Variants in GAREM1 observed in about 807,000 individuals in gnomAD.
GAREM1 encodes GRB2 associated regulator of MAPK1 subtype 1, also known as GRB2-associated and regulator of MAPK protein 1.
Under a neutral mutation model 71.3 loss-of-function variants are expected in GAREM1, and 26 were observed. The observed-to-expected ratio is 0.36, with a 90% CI of 0.27 to 0.51. GAREM1 has a LOEUF of 0.51. Among genes scored for constraint, GAREM1 ranks in the 20% least tolerant of loss-of-function variants. The probability of loss-of-function intolerance (pLI) is 0.95; values close to 1 mark genes in which losing one functional copy is unlikely to be tolerated. For missense variants in GAREM1, 1,026 were observed against 1,103.1 expected (o/e 0.93, Z 0.99); for synonymous variants, 440 against 433.2 (o/e 1.02, Z -0.20).
At chr18:32,289,372 C>T (rs2144472936) in intron 3 of GAREM1, among the ~76,000 whole-genome samples, 1 of 152,144 alleles carries the variant, frequency 6.6e-6, no homozygotes, top group East Asian at 1.9e-4. Context: ...TTATTTCATG[C>T]TTACCAGCAT....
chr18:32,447,006 C>A (rs999140246), intron 1 of GAREM1, among the ~76,000 whole-genome samples: 2 of 152,186 alleles, frequency 1.3e-5, no homozygotes, highest in Admixed American at 1.3e-4. Flanking sequence ...CTGCCACAGG[C>A]CATCAATGGC....
rs553029581 is a variant in GAREM1 at position 32,438,226 on chromosome 18, G to A, written c.121+32082C>T. Among the ~76,000 whole-genome samples, 8 of 152,228 alleles carry A rather than the reference G, an allele frequency of 5.3e-5. No homozygotes were observed. The South Asian group carries it at 8.3e-4, about 16-fold the overall frequency. Reference sequence around the variant, plus strand: ...ACTAAATAAAAGACAAAAATAAACCGGATTTATCTGGCAGAGCGGGTCTGT... The same window carrying A: ...ACTAAATAAAAGACAAAAATAAACCAGATTTATCTGGCAGAGCGGGTCTGT... On this transcript the variant is annotated intron_variant, in intron 1 of 5. Coordinates refer to ENST00000269209, the MANE Select transcript of GAREM1 (RefSeq NM_001242409.2).
intron 2 of GAREM1, among the ~76,000 whole-genome samples, chr18:32,378,197 G>A (rs78816048): frequency 0.034 from 5,140 of 152,062 alleles, 134 homozygotes; most frequent in East Asian, 0.11. Context: ...TTGGGTTTTT[G>A]ATCAAATAAA....
At chr18:32,461,965 A>T (rs2048957394) in intron 1 of GAREM1, among the ~76,000 whole-genome samples, 1 of 152,214 alleles carries the variant, frequency 6.6e-6, no homozygotes, top group Non-Finnish European at 1.5e-5. Flanking sequence ...TCAGTAAGGC[A>T]GCCAATGAGT....
intron 2 of GAREM1, among the ~76,000 whole-genome samples, chr18:32,357,412 A>T (rs2047816952): frequency 6.6e-6 from 1 of 152,226 alleles, no homozygotes; most frequent in Non-Finnish European, 1.5e-5. Context: ...TTCACGTGCT[A>T]CCTTTATCTC....
chr18:32,387,078 T>C (rs1322148994), intron 2 of GAREM1, among the ~76,000 whole-genome samples: 1 of 150,804 alleles, frequency 6.6e-6, no homozygotes, highest in East Asian at 1.9e-4. Flanking sequence ...TTTCAGGCCC[T>C]AGAAAGGGTC....
intron 1 of GAREM1, among the ~76,000 whole-genome samples, chr18:32,423,440 C>T (rs1243283147): frequency 2.0e-5 from 3 of 152,194 alleles, no homozygotes; most frequent in Non-Finnish European, 4.4e-5. Flanking sequence ...ATCCTTATAT[C>T]TTTCTCTTGT....
chr18:32,451,256 C>G (rs2048836283), intron 1 of GAREM1, among the ~76,000 whole-genome samples: 1 of 148,802 alleles, frequency 6.7e-6, no homozygotes, highest in African/African-American at 2.5e-5. Flanking sequence ...CATCCCCCCA[C>G]CCCCAAGCTA....
chr18:32,325,082 C>A (rs2047462490), intron 2 of GAREM1, among the ~76,000 whole-genome samples: 1 of 152,142 alleles, frequency 6.6e-6, no homozygotes, highest in South Asian at 2.1e-4. Flanking sequence ...CCTCAGCCTC[C>A]GGAGTAGCTG....
chr18:32,381,757 T>C (rs184823615), intron 2 of GAREM1, among the ~76,000 whole-genome samples: 175 of 152,356 alleles, frequency 1.1e-3, no homozygotes, highest in African/African-American at 3.8e-3. Context: ...ACAGAGATTA[T>C]AGTTCCCATT....
intron 1 of GAREM1, among the ~76,000 whole-genome samples, chr18:32,438,188 C>A (rs1378284520): frequency 6.6e-6 from 1 of 152,144 alleles, no homozygotes; most frequent in Non-Finnish European, 1.5e-5. Flanking sequence ...AGAGAGAAGG[C>A]CTACGATATA....
intron 4 of GAREM1, among the ~76,000 whole-genome samples, chr18:32,275,709 G>A (rs2041532268): frequency 6.6e-6 from 1 of 151,886 alleles, no homozygotes; most frequent in South Asian, 2.1e-4. Flanking sequence ...ACTGAGTTTT[G>A]CTCTTGTTGC....
rs572749493 is a variant in GAREM1, at chr18:32,393,776, T to G, written c.122-741A>C. The stretch of plus-strand genomic sequence containing the variant: ...TTCGGCATTTGAACGGATGACAAAC[T>G]ATTTCAAAAGAGAAATTCATTTCCT... On this transcript the variant is annotated intron_variant, in intron 1 of 5. Coordinates refer to ENST00000269209, the MANE Select transcript of GAREM1 (RefSeq NM_001242409.2). Among the ~76,000 whole-genome samples, 7 of 152,352 alleles carry G rather than the reference T, an allele frequency of 4.6e-5. No homozygotes were observed. The South Asian group carries it at 1.5e-3, about 32-fold the overall frequency.
chr18:32,349,861 C>T (rs1465887545), intron 2 of GAREM1, among the ~76,000 whole-genome samples: 1 of 152,136 alleles, frequency 6.6e-6, no homozygotes, highest in Non-Finnish European at 1.5e-5. Flanking sequence ...TAAATCCAAT[C>T]CTGAAACTTC....
chr18:32,304,850 T>C (rs968851724), intron 3 of GAREM1, among the ~76,000 whole-genome samples: 12 of 152,166 alleles, frequency 7.9e-5, no homozygotes, highest in Non-Finnish European at 1.6e-4. Context: ...TAGATCGTGG[T>C]GGCCTGCTTG....
chr18:32,343,833 C>T (rs2047670364), intron 2 of GAREM1, among the ~76,000 whole-genome samples: 1 of 152,086 alleles, frequency 6.6e-6, no homozygotes, highest in African/African-American at 2.4e-5. Flanking sequence ...AGTAAGCCAC[C>T]CGCTCCTGGC....
In GAREM1 at chr18:32,287,395, A is replaced by G. The variant is rs2047033379; in HGVS notation, c.1202T>C (p.Val401Ala). Reference protein sequence around the residue: ...YGNNLHGNSEVNLHGCRDLGG... With the variant: ...YGNNLHGNSEANLHGCRDLGG... ...CAGGTCCCTGCAACCATGAAGGTTC[A>G]CCTCACTGTTGCCATGGAGATTGTT... The change falls in exon 4 of 6, where the codon GTG becomes GCG. Residue 401 changes from valine to alanine, a missense_variant. Val to Ala is a moderately conservative substitution (Grantham distance 64). Coordinates refer to ENST00000269209, the MANE Select transcript of GAREM1 (RefSeq NM_001242409.2). The surrounding 1 kb of genome is among the most constrained non-coding windows in gnomAD (Gnocchi z 5.9). The G allele has an allele frequency of 1.2e-6, 2 of 1,614,072 alleles. No individual in the cohort carries two copies. The highest frequency in any genetic ancestry group is 2.7e-5 in the African/African-American group (2 of 74,918).
intron 1 of GAREM1, among the ~76,000 whole-genome samples, chr18:32,423,888 C>T (rs1222408988): frequency 6.6e-6 from 1 of 152,150 alleles, no homozygotes; most frequent in Non-Finnish European, 1.5e-5. Context: ...AATCCTAGCA[C>T]TTTGGGAGGC....
At chr18:32,323,092 AC>A (rs1174944541) in intron 2 of GAREM1, among the ~76,000 whole-genome samples, 1 of 152,234 alleles carries the variant, frequency 6.6e-6, no homozygotes, top group Non-Finnish European at 1.5e-5. Flanking sequence ...TAGCTCCAGC[AC>A]CTGCTGGTTC....
Sources: gnomAD v4.1 joint callset for allele counts (sites outside exome capture counted in the v4.1 genomes callset) on GRCh38, gnomAD v4.1.1 for gene constraint, Gnocchi (gnomAD v3.1) non-coding constraint, MANE v1.5 for transcripts, NCBI Gene and HGNC (gene_info 2026-07-23, HGNC 2026-07-21) for gene names.